The following CNTN5 variants were observed in gnomAD, a reference collection of about 807,000 sequenced individuals.
The protein encoded by CNTN5 is contactin 5.
In CNTN5, 77 loss-of-function variants were observed where a neutral mutation model predicts 129.1. That is an observed-to-expected ratio of 0.60 (90% confidence interval 0.50 to 0.72). The LOEUF is 0.72. Ranked by LOEUF, CNTN5 falls within the 30% of genes least tolerant of loss-of-function variation. The pLI is 0.00. For synonymous variants in CNTN5, 509 were observed against 465.6 expected (o/e 1.09, Z -1.20); for missense variants, 1,478 against 1,328.8 (o/e 1.11, Z -1.75).
chr11:99,870,611 A>G (rs1359036375), intron 6 of CNTN5, among the ~76,000 whole-genome samples: 2 of 152,156 alleles, frequency 1.3e-5, no homozygotes, highest in Admixed American at 6.5e-5. Context: ...TCTACCATCA[A>G]TGGTAGACAT....
chr11:99,968,655 A>AGT (rs138699294), intron 8 of CNTN5, among the ~76,000 whole-genome samples: 4,842 of 49,476 alleles, frequency 0.098, 210 homozygotes, highest in Middle Eastern at 0.13. Context: ...AGCTTTGGGT[A>AGT]CTTTTTTTTT....
chr11:99,975,766 G>A lies in CNTN5; in HGVS notation c.877+18757G>A, dbSNP rs143131097. Among the ~76,000 whole-genome samples, 716 of 152,216 alleles carry A rather than the reference G, an allele frequency of 4.7e-3. 7 individuals carry two copies. Among genetic ancestry groups the A allele is most frequent in the African/African-American group, 0.015 (640 of 41,514 alleles). On this transcript the variant is annotated intron_variant, in intron 8 of 24. Coordinates refer to ENST00000524871, the MANE Select transcript of CNTN5 (RefSeq NM_014361.4). ...TCAACATATGGGGATTACAATTTGAGATGAGATTTGGATGGGGACACAGAG... is the reference window on the plus strand; with the variant it reads ...TCAACATATGGGGATTACAATTTGAAATGAGATTTGGATGGGGACACAGAG...
chr11:99,508,288 A>G (rs1171093106), intron 2 of CNTN5, among the ~76,000 whole-genome samples: 1 of 152,198 alleles, frequency 6.6e-6, no homozygotes, highest in Non-Finnish European at 1.5e-5. Context: ...ACTGGCACAT[A>G]TGTTAAGCGC....
At chr11:99,694,898 C>T (rs1954203148) in intron 3 of CNTN5, among the ~76,000 whole-genome samples, 1 of 152,094 alleles carries the variant, frequency 6.6e-6, no homozygotes, top group Admixed American at 6.6e-5. Context: ...TCAAAATTCC[C>T]CATTTTACTG....
At chr11:100,240,129 A>G (rs1435252375) in intron 16 of CNTN5, among the ~76,000 whole-genome samples, 3 of 152,184 alleles carry the variant, frequency 2.0e-5, no homozygotes, top group Non-Finnish European at 2.9e-5. Context: ...AGCAGCATCA[A>G]TCATACCTCA....
At chr11:99,491,994 C>T (rs1946054219) in intron 2 of CNTN5, among the ~76,000 whole-genome samples, 1 of 152,084 alleles carries the variant, frequency 6.6e-6, no homozygotes, top group African/African-American at 2.4e-5. Flanking sequence ...AAGCCTGATT[C>T]CTGCAAGGAA....
chr11:99,318,686 C>G (rs1192619157), intron 1 of CNTN5, among the ~76,000 whole-genome samples: 1 of 152,094 alleles, frequency 6.6e-6, no homozygotes, highest in Non-Finnish European at 1.5e-5. Flanking sequence ...CACTACTCCC[C>G]CATGAAGAAC....
Position 99,993,948 on chromosome 11 carries a change from A to G in CNTN5, c.878-8086A>G, listed in dbSNP as rs569748875. Among the ~76,000 whole-genome samples, 10 of 152,330 alleles carry G rather than the reference A, an allele frequency of 6.6e-5. No individual in the cohort carries two copies. In the South Asian group the frequency reaches 2.1e-3, roughly 32 times the overall value. ...TCTTGCAGTATAGCCCAAATTAGGT[A>G]AAATAATTTGAAGCCTCTTATTCAA... On this transcript the variant is annotated intron_variant, in intron 8 of 24. Transcript: ENST00000524871.
At chr11:99,674,327 G>C (rs769742393) in intron 3 of CNTN5, among the ~76,000 whole-genome samples, 20 of 151,286 alleles carry the variant, frequency 1.3e-4, no homozygotes, top group Middle Eastern at 3.4e-3. Context: ...AACATGTTTA[G>C]GTTCCTTATA....
intron 1 of CNTN5, among the ~76,000 whole-genome samples, chr11:99,192,872 C>G (rs1465160267): frequency 6.6e-6 from 1 of 152,090 alleles, no homozygotes. Context: ...AACAGATGCC[C>G]ATATAACAGC....
intron 17 of CNTN5, among the ~76,000 whole-genome samples, chr11:100,265,629 A>G (rs1184929749): frequency 6.6e-6 from 1 of 152,182 alleles, no homozygotes; most frequent in Admixed American, 6.6e-5. Flanking sequence ...AGCATTTAAA[A>G]TATACCAAAA....
At chr11:99,149,276 A>T (rs1371709350) in intron 1 of CNTN5, among the ~76,000 whole-genome samples, 1 of 152,150 alleles carries the variant, frequency 6.6e-6, no homozygotes, top group African/African-American at 2.4e-5. Flanking sequence ...TGGGCAGGAC[A>T]GGAAGAGCAG....
chr11:100,197,036 C>A (rs146693822), intron 15 of CNTN5, among the ~76,000 whole-genome samples: 2 of 152,010 alleles, frequency 1.3e-5, no homozygotes, highest in African/African-American at 4.8e-5. Context: ...GTGCATTCAG[C>A]TGTTTGTTAG....
At chr11:99,693,361 AAAAC>A (rs1471833957) in intron 3 of CNTN5, among the ~76,000 whole-genome samples, 3 of 152,260 alleles carry the variant, frequency 2.0e-5, no homozygotes, top group South Asian at 2.1e-4. Flanking sequence ...GTTTGTTTTT[AAAAC>A]AAACAATTAT....
intron 13 of CNTN5, among the ~76,000 whole-genome samples, chr11:100,145,649 A>G (rs1053043153): frequency 2.6e-5 from 4 of 152,142 alleles, no homozygotes; most frequent in Non-Finnish European, 4.4e-5. Context: ...AGCCATTACT[A>G]TCATCTTACT....
chr11:100,203,661 T>C (rs974861500), intron 15 of CNTN5, among the ~76,000 whole-genome samples: 16 of 151,966 alleles, frequency 1.1e-4, no homozygotes, highest in African/African-American at 3.9e-4. Flanking sequence ...GGAGTCAAAG[T>C]CCTATTCCCA....
At chr11:99,032,007 A>C (rs1185912540) in intron 1 of CNTN5, among the ~76,000 whole-genome samples, 2 of 146,858 alleles carry the variant, frequency 1.4e-5, no homozygotes, top group African/African-American at 5.1e-5. Flanking sequence ...ATGAGTGAGA[A>C]TATGCGGTGT....
intron 1 of CNTN5, among the ~76,000 whole-genome samples, chr11:99,080,746 G>T (rs181424434): frequency 6.6e-6 from 1 of 152,136 alleles, no homozygotes. Context: ...AATAGCTATT[G>T]AATAGGGAAC....
chr11:99,021,460 G>T (rs899234541), intron 1 of CNTN5, among the ~76,000 whole-genome samples, 190 bp downstream of exon 1: 5 of 152,138 alleles, frequency 3.3e-5, no homozygotes, highest in Admixed American at 6.5e-5. Flanking sequence ...ATTTCCTGCT[G>T]GGATTTTATG....
Sources: gnomAD v4.1 joint callset for allele counts (sites outside exome capture counted in the v4.1 genomes callset) on GRCh38, gnomAD v4.1.1 for gene constraint, MANE v1.5 for transcripts, NCBI Gene and HGNC (gene_info 2026-07-23, HGNC 2026-07-21) for gene names.